Variants in PXYLP1 observed in about 807,000 individuals in gnomAD.
PXYLP1 encodes the protein acid phosphatase-like 2.
PXYLP1 carries 17 observed loss-of-function variants against 37.9 expected under a neutral mutation model. That is an observed-to-expected ratio of 0.45 (90% confidence interval 0.31 to 0.67). The LOEUF is 0.67. PXYLP1 is among the 30% of genes least tolerant of loss of function. PXYLP1 has a pLI of 0.07. For missense variants in PXYLP1, 511 were observed against 612.0 expected (o/e 0.84, Z 1.74); for synonymous variants, 221 against 232.2 (o/e 0.95, Z 0.44).
rs578258706 is a variant in PXYLP1, at chr3:141,256,238, G to A, written c.-53-3885G>A. On this transcript the variant is annotated intron_variant, in intron 1 of 5. Transcript: ENST00000286353. Reference sequence around the variant, plus strand: ...CAGGGCTCTGCCTGTTGTGAGATTTGCTCCCCACCGCCACCTGCTCTTTTG... The same window carrying A: ...CAGGGCTCTGCCTGTTGTGAGATTTACTCCCCACCGCCACCTGCTCTTTTG... 3.3e-5 allele frequency among the ~76,000 whole-genome samples: 5 copies of A among 152,232 alleles called. No homozygotes were observed. The South Asian group carries it at 6.2e-4, about 19-fold the overall frequency.
intron 1 of PXYLP1, among the ~76,000 whole-genome samples, chr3:141,232,680 C>CACAG (rs367622687): frequency 1.0e-3 from 157 of 151,296 alleles, no homozygotes; most frequent in African/African-American, 2.9e-3. Flanking sequence ...CACACACACA[C>CACAG]AGAGAGAGAG....
At chr3:141,278,932 A>G (rs1397694075) in intron 3 of PXYLP1, among the ~76,000 whole-genome samples, 1 of 152,210 alleles carries the variant, frequency 6.6e-6, no homozygotes, top group Non-Finnish European at 1.5e-5. Context: ...CAATTTCTAC[A>G]AGTTTTGCTT....
intron 4 of PXYLP1, 50 bp from the exon 5 acceptor site, chr3:141,287,264 G>A: frequency 6.3e-7 from 1 of 1,589,372 alleles, no homozygotes. Context: ...GAAACTGTTT[G>A]GATTCTTGTG....
chr3:141,275,886 T>C (rs1016201667), intron 2 of PXYLP1, among the ~76,000 whole-genome samples: 3 of 152,180 alleles, frequency 2.0e-5, no homozygotes, highest in African/African-American at 7.2e-5. Flanking sequence ...GTGCTTACTA[T>C]AAATACATAT....
chr3:141,276,317 A>C (rs558053869), intron 2 of PXYLP1, among the ~76,000 whole-genome samples: 28 of 152,252 alleles, frequency 1.8e-4, no homozygotes, highest in Non-Finnish European at 8.8e-5. Flanking sequence ...GAGGAAAACC[A>C]CTGCTGTGTT....
At chr3:141,274,825 G>A (rs755813543) in intron 2 of PXYLP1, among the ~76,000 whole-genome samples, 4 of 152,184 alleles carry the variant, frequency 2.6e-5, no homozygotes, top group Non-Finnish European at 4.4e-5. Context: ...GATTCAGGGC[G>A]GGCTTCCTGG....
At chr3:141,232,137 C>G (rs995169440) in intron 1 of PXYLP1, among the ~76,000 whole-genome samples, 1 of 152,148 alleles carries the variant, frequency 6.6e-6, no homozygotes, top group African/African-American at 2.4e-5. Context: ...GAGCCTAGGA[C>G]TTGCGCCCTC....
intron 2 of PXYLP1, among the ~76,000 whole-genome samples, chr3:141,267,896 A>G (rs2311734): frequency 1.3e-5 from 2 of 151,226 alleles, no homozygotes; most frequent in Non-Finnish European, 2.9e-5. Context: ...CCTCTCTCCC[A>G]CCTTCCCTTT....
At position 141,287,352 on chromosome 3, in the gene PXYLP1, A is replaced by T; in HGVS notation, c.404A>T (p.His135Leu). Residue 135 changes from histidine to leucine, a missense_variant, in exon 5 of 6, where the codon CAC becomes CTC. Transcript: ENST00000286353. ...CCAAAACTGGAAGCTTTCATTAGTC[A>T]CATGTCAAAAGGATCCGGAGCCTCT... ...YHPKLEAFIS[H>L]MSKGSGASFE... 1 of 1,614,134 alleles carries T rather than the reference A, an allele frequency of 6.2e-7. No homozygotes were observed. Among genetic ancestry groups the T allele is most frequent in the Non-Finnish European group, 8.5e-7 (1 of 1,180,010 alleles).
At chr3:141,264,501 C>T (rs756441703) in intron 2 of PXYLP1, among the ~76,000 whole-genome samples, 38 of 152,196 alleles carry the variant, frequency 2.5e-4, no homozygotes, top group Non-Finnish European at 3.8e-4. Context: ...GAGTATGTGA[C>T]ACTTTGTTCT....
intron 5 of PXYLP1, among the ~76,000 whole-genome samples, chr3:141,291,938 C>A (rs1289916159): frequency 6.6e-6 from 1 of 152,228 alleles, no homozygotes; most frequent in African/African-American, 2.4e-5. Flanking sequence ...TATCCCCTGG[C>A]TGGGTGACTT....
At position 141,284,726 on chromosome 3, in the gene PXYLP1, TTTTTATTGTTGTA is replaced by T. The variant is rs1481232397; in HGVS notation, c.366-2585_366-2573del. 5.3e-4 allele frequency among the ~76,000 whole-genome samples: 81 copies of T among 152,352 alleles called. 1 individual carries two copies. The highest frequency in any genetic ancestry group is 3.7e-3 in the Admixed American group (56 of 15,298). ...GTGTAAATAGTTGTTATTTGTATTA[TTTTTATTGTTGTA>T]TTGTTATTTCTTATTGGGTTTTTTC... On this transcript the variant is annotated intron_variant, in intron 4 of 5. Coordinates refer to ENST00000286353, the MANE Select transcript of PXYLP1 (RefSeq NM_001037172.3).
chr3:141,256,723 G>C (rs1404191281), intron 1 of PXYLP1, among the ~76,000 whole-genome samples: 1 of 152,184 alleles, frequency 6.6e-6, no homozygotes, highest in Non-Finnish European at 1.5e-5. Flanking sequence ...AAGGCATCCT[G>C]GGATTCGGTG....
At chr3:141,248,984 C>T (rs1047145509) in intron 1 of PXYLP1, among the ~76,000 whole-genome samples, 1 of 151,678 alleles carries the variant, frequency 6.6e-6, no homozygotes, top group Admixed American at 6.6e-5. Context: ...TGGAGGGCTC[C>T]GAAAGGTCAC....
intron 1 of PXYLP1, among the ~76,000 whole-genome samples, chr3:141,249,625 T>C (rs1941096453): frequency 6.6e-6 from 1 of 152,200 alleles, no homozygotes; most frequent in Admixed American, 6.5e-5. Context: ...ACACTTTGCT[T>C]GCAAAATTTT....
chr3:141,235,210 C>G (rs1171109479), intron 1 of PXYLP1: 9 of 152,304 alleles, frequency 5.9e-5, no homozygotes, highest in African/African-American at 2.2e-4. Flanking sequence ...AATCCATTTG[C>G]TGGGCCCATC....
At chr3:141,253,642 C>G (rs1482036056) in intron 1 of PXYLP1, among the ~76,000 whole-genome samples, 2 of 151,282 alleles carry the variant, frequency 1.3e-5, no homozygotes, top group Non-Finnish European at 2.9e-5. Context: ...CCCTACTTCC[C>G]TCGCCAGACT....
intron 4 of PXYLP1, 95 bp from the exon 5 acceptor site, chr3:141,287,219 C>A: frequency 7.3e-7 from 1 of 1,370,740 alleles, no homozygotes; most frequent in Non-Finnish European, 1.0e-6. Context: ...GTGCAAAAGG[C>A]TGCGATACAC....
At chr3:141,245,045 C>CT (rs10546747) in intron 1 of PXYLP1, among the ~76,000 whole-genome samples, 48,612 of 104,864 alleles carry the variant, frequency 0.46, 12,243 homozygotes, top group South Asian at 0.64. Context: ...CACTAACTCC[C>CT]TTTTTTTTTT....
Sources: allele counts gnomAD v4.1 joint callset (sites outside exome capture counted in the v4.1 genomes callset), GRCh38; gene constraint gnomAD v4.1.1; transcripts MANE v1.5; gene names NCBI Gene and HGNC (gene_info 2026-07-23, HGNC 2026-07-21).